Variants in ITGA8 observed in about 807,000 individuals in gnomAD.
ITGA8 encodes the protein integrin alpha-8.
ITGA8 carries 91 observed loss-of-function variants against 142.3 expected under a neutral mutation model. That is an observed-to-expected ratio of 0.64 (90% CI 0.54 to 0.76). The LOEUF (loss-of-function observed/expected upper bound fraction) is 0.76. ITGA8 is among the 30% of genes least tolerant of loss of function. ITGA8 has a pLI of 0.00. For missense variants in ITGA8, 1,406 were observed against 1,327.7 expected (o/e 1.06, Z -0.92); for synonymous variants, 505 against 485.2 (o/e 1.04, Z -0.54).
intron 25 of ITGA8, among the ~76,000 whole-genome samples, chr10:15,564,010 A>C (rs1366617786): frequency 6.6e-6 from 1 of 152,228 alleles, no homozygotes; most frequent in Admixed American, 6.5e-5. Flanking sequence ...CAAATAAAGA[A>C]CATGTCCTAT....
In ITGA8 at chr10:15,605,724, G is replaced by C. The variant is rs1375505777; in HGVS notation, c.1970C>G (p.Pro657Arg). ...CVPDLKLSAR[P>R]DKHQVIIGDE... ...TACACATTTAGTTATTTAAACTTAC[G>C]GTCTAGCCGACAGCTTCAAGTCAGG... The change falls in exon 19 of 30, where the codon CCA becomes CGA. Residue 657 changes from proline to arginine, a missense_variant and splice_region_variant. Coordinates refer to ENST00000378076, the MANE Select transcript of ITGA8 (RefSeq NM_003638.3). 6.2e-7 allele frequency: 1 copy of C among 1,610,668 alleles called. No individual in the cohort carries two copies. Among genetic ancestry groups the C allele is most frequent in the Non-Finnish European group, 8.5e-7 (1 of 1,177,034 alleles).
intron 8 of ITGA8, among the ~76,000 whole-genome samples, chr10:15,669,353 T>C (rs915377738): frequency 2.6e-5 from 4 of 152,250 alleles, no homozygotes; most frequent in Non-Finnish European, 2.9e-5. Context: ...CTCTCGTGCC[T>C]TGGTTTTCAG....
intron 27 of ITGA8, among the ~76,000 whole-genome samples, chr10:15,531,702 C>T (rs182640584): frequency 3.3e-5 from 5 of 152,086 alleles, no homozygotes; most frequent in African/African-American, 9.6e-5. Flanking sequence ...CTTTGGGAGG[C>T]CGAGGCCGGT....
chr10:15,626,836 A>G (rs929441208), intron 13 of ITGA8, among the ~76,000 whole-genome samples: 1 of 152,102 alleles, frequency 6.6e-6, no homozygotes, highest in Non-Finnish European at 1.5e-5. Context: ...GAGGAAACCA[A>G]CCCTGCTGAC....
In ITGA8 at chr10:15,630,937, T is replaced by C. The variant is rs898136905; in HGVS notation, c.1399+13093A>G. On this transcript the variant is annotated intron_variant, in intron 13 of 29. Transcript: ENST00000378076. ...TAATGATCTGTGATGCTGAGCTTTT[T>C]TTCATACGTTTGTTGGCTGCATAAA... 2.6e-5 allele frequency among the ~76,000 whole-genome samples: 4 copies of C among 152,082 alleles called. No individual in the cohort carries two copies. In the East Asian group the frequency reaches 5.8e-4, roughly 22 times the overall value.
chr10:15,705,133 A>C (rs114211601), intron 2 of ITGA8, among the ~76,000 whole-genome samples: 1,628 of 152,082 alleles, frequency 0.011, 23 homozygotes, highest in African/African-American at 0.032. Flanking sequence ...TCTATGGGAG[A>C]TCTTCTTAAA....
In ITGA8 at chr10:15,644,137, G is replaced by T. The variant is rs761794186; in HGVS notation, c.1292C>A (p.Thr431Asn). ...IYNGNKDGLN[T>N]KPSQVLQGVW... ...TCCTTGCAGAACTTGGGAAGGCTTG[G>T]TGTTTAAGCCATCTTTGTTCCCATT... The change falls in exon 13 of 30, where the codon ACC becomes AAC. Residue 431 changes from threonine to asparagine, a missense_variant. Thr to Asn is a moderately conservative substitution (Grantham distance 65, BLOSUM62 0). Transcript: ENST00000378076. The T allele has an allele frequency of 6.2e-7, 1 of 1,614,136 alleles. No homozygotes were observed. Among genetic ancestry groups the T allele is most frequent in the South Asian group, 1.1e-5 (1 of 91,080 alleles).
chr10:15,560,027 C>G (rs189659744), intron 25 of ITGA8, among the ~76,000 whole-genome samples: 412 of 152,276 alleles, frequency 2.7e-3, no homozygotes, highest in Non-Finnish European at 4.2e-3. Flanking sequence ...TGCCTGTAAT[C>G]TCACCACTTT....
chr10:15,593,235 G>T (rs563404072), intron 21 of ITGA8, among the ~76,000 whole-genome samples: 1 of 152,198 alleles, frequency 6.6e-6, no homozygotes, highest in African/African-American at 2.4e-5. Flanking sequence ...TTTTCATAAC[G>T]TGGAAATAGA....
intron 21 of ITGA8, among the ~76,000 whole-genome samples, chr10:15,596,085 C>A (rs1011864044): frequency 6.6e-6 from 1 of 152,114 alleles, no homozygotes; most frequent in Non-Finnish European, 1.5e-5. Flanking sequence ...GGATTTTTCT[C>A]AAAAAACTAG....
chr10:15,717,582 A>AT (rs1338976490), intron 2 of ITGA8, among the ~76,000 whole-genome samples: 1 of 152,324 alleles, frequency 6.6e-6, no homozygotes, highest in Non-Finnish European at 1.5e-5. Context: ...CTGGTATAAA[A>AT]TAACAGAATA....
chr10:15,638,030 A>G (rs1833803886), intron 13 of ITGA8, among the ~76,000 whole-genome samples: 1 of 152,116 alleles, frequency 6.6e-6, no homozygotes, highest in Admixed American at 6.5e-5. Flanking sequence ...TGGGCTCTTA[A>G]TTATTAGCAC....
chr10:15,558,143 A>G lies in ITGA8; in HGVS notation c.2697T>C (p.Ile899=). ...CATCCCTCTTCCTGACAAGATGAGG[A>G]ATAGTAGAGTTTCGCAAAAAGGCGC... The part of the protein sequence containing the change: ...ELSAFLRNST[I]PHLVRKRDVH... The change falls in exon 26 of 30, where the codon ATT becomes ATC. Residue 899 remains isoleucine (I), a synonymous_variant. Coordinates refer to ENST00000378076, the MANE Select transcript of ITGA8 (RefSeq NM_003638.3). 1.2e-6 allele frequency: 2 copies of G among 1,614,192 alleles called. No individual in the cohort carries two copies. The highest frequency in any genetic ancestry group is 1.7e-6 in the Non-Finnish European group (2 of 1,180,040).
intron 25 of ITGA8, among the ~76,000 whole-genome samples, chr10:15,566,468 C>T (rs1257767657): frequency 6.6e-6 from 1 of 152,142 alleles, no homozygotes; most frequent in African/African-American, 2.4e-5. Flanking sequence ...TAAGCCTTTT[C>T]CCTCTGCATC....
Position 15,517,046 on chromosome 10 carries a change from T to TAAAAAATG in ITGA8, c.*111_*112insCATTTTTT. ...GTGATGTTTCCAGGGTCCCCTCCAT[T>TAAAAAATG]TCCTGGGTCACTGTCAGGTATCAGA... On this transcript the variant is annotated 3_prime_UTR_variant, in exon 30 of 30. Coordinates refer to ENST00000378076, the MANE Select transcript of ITGA8 (RefSeq NM_003638.3). The TAAAAAATG allele has an allele frequency of 1.5e-6, 1 of 676,842 alleles. No homozygotes were observed. Among genetic ancestry groups the TAAAAAATG allele is most frequent in the Non-Finnish European group, 2.3e-6 (1 of 426,046 alleles). The allele number at this position is 676,842 out of a possible 1,614,324, so 41.9% of individuals were successfully genotyped here. A position where few individuals can be genotyped will look rare whatever the true frequency, so the allele number is the denominator to read the frequency against.
intron 13 of ITGA8, among the ~76,000 whole-genome samples, chr10:15,634,733 C>T (rs1257867523): frequency 6.6e-6 from 1 of 152,092 alleles, no homozygotes; most frequent in Non-Finnish European, 1.5e-5. Flanking sequence ...TAACTAAATG[C>T]AACATGGGAT....
At chr10:15,682,162 C>T (rs1465738674) in intron 4 of ITGA8, among the ~76,000 whole-genome samples, 1 of 152,214 alleles carries the variant, frequency 6.6e-6, no homozygotes, top group Non-Finnish European at 1.5e-5. Context: ...TCTCTCCCTT[C>T]TTTCTCGTCT....
At chr10:15,658,895 C>A in intron 10 of ITGA8, 104 bp downstream of exon 10, 1 of 794,730 alleles carries the variant, frequency 1.3e-6, no homozygotes, top group Non-Finnish European at 2.1e-6. Flanking sequence ...TACGTAGTAG[C>A]TGCTCATTAA....
Position 15,673,753 on chromosome 10 carries a change from A to T in ITGA8, c.677-1004T>A, listed in dbSNP as rs138664482. Among the ~76,000 whole-genome samples the T allele has an allele frequency of 4.1e-4, 62 of 152,186 alleles. No homozygotes were observed. In the Middle Eastern group the frequency reaches 0.01, roughly 25 times the overall value. On this transcript the variant is annotated intron_variant, in intron 6 of 29. Coordinates refer to ENST00000378076, the MANE Select transcript of ITGA8 (RefSeq NM_003638.3). ...GGACAATGGGAAGCAGCTAGGTCCA[A>T]TGAGATCCAAAATTCAGCAAAAGAG...
Sources: allele counts gnomAD v4.1 joint callset (sites outside exome capture counted in the v4.1 genomes callset), GRCh38; gene constraint gnomAD v4.1.1; transcripts MANE v1.5; gene names NCBI Gene and HGNC (gene_info 2026-07-23, HGNC 2026-07-21).